Variants in CBFB observed in about 807,000 individuals in gnomAD.
CBFB encodes core-binding factor subunit beta.
Under a neutral mutation model 30.4 loss-of-function variants are expected in CBFB, and 9 were observed. That is an observed-to-expected ratio of 0.30 (90% CI 0.18 to 0.52). CBFB has a LOEUF of 0.52. Among genes scored for constraint, CBFB ranks in the 20% least tolerant of loss-of-function variants. The pLI is 0.97. For missense variants in CBFB, 170 were observed against 244.0 expected, an observed-to-expected ratio of 0.70 and a Z score of 2.02; for synonymous variants, 94 against 84.0, an observed-to-expected ratio of 1.12 and a Z score of -0.65.
At chr16:67,058,580 A>G (rs1010810159) in intron 3 of CBFB, among the ~76,000 whole-genome samples, 10 of 152,338 alleles carry the variant, frequency 6.6e-5, no homozygotes, top group African/African-American at 2.4e-4. Context: ...CACTGCCCTT[A>G]TAAGCATTTC....
Position 67,089,569 on chromosome 16 carries a change from T to C in CBFB, c.495+7261T>C, listed in dbSNP as rs571917165. Reference sequence around the variant, plus strand: ...ATAGGCTGTTTTTTATGTGAAACCCTTCCTCCATTTGAAATTGTATACAGA... The same window carrying C: ...ATAGGCTGTTTTTTATGTGAAACCCCTCCTCCATTTGAAATTGTATACAGA... On this transcript the variant is annotated intron_variant, in intron 5 of 5. Coordinates refer to ENST00000412916, the MANE Select transcript of CBFB (RefSeq NM_022845.3). Among the ~76,000 whole-genome samples, 184 of 152,344 alleles carry C rather than the reference T, an allele frequency of 1.2e-3. 5 individuals carry two copies. The South Asian group carries it at 0.036, about 30-fold the overall frequency.
intron 3 of CBFB, among the ~76,000 whole-genome samples, chr16:67,054,130 T>C (rs1200026531): frequency 6.6e-6 from 1 of 152,098 alleles, no homozygotes; most frequent in Non-Finnish European, 1.5e-5. Context: ...GAGGGGCTTT[T>C]TTGTTTTTTT....
intron 3 of CBFB, among the ~76,000 whole-genome samples, chr16:67,043,319 T>C (rs1966563920): frequency 6.6e-6 from 1 of 152,234 alleles, no homozygotes; most frequent in African/African-American, 2.4e-5. Context: ...TCTCTATTAT[T>C]TGAAATACAG....
chr16:67,029,989 G>C, intron 2 of CBFB, 176 bp downstream of exon 2: 1 of 477,752 alleles, frequency 2.1e-6, no homozygotes, highest in Non-Finnish European at 3.6e-6. Context: ...GGTACTCGCG[G>C]GGAGACGCTT....
At chr16:67,086,644 A>C (rs1046169701) in intron 5 of CBFB, among the ~76,000 whole-genome samples, 1 of 152,242 alleles carries the variant, frequency 6.6e-6, no homozygotes, top group African/African-American at 2.4e-5. Flanking sequence ...GATAATACAT[A>C]TTAATGGTCT....
At chr16:67,032,451 T>C (rs1357997203) in intron 2 of CBFB, among the ~76,000 whole-genome samples, 1 of 152,250 alleles carries the variant, frequency 6.6e-6, no homozygotes, top group African/African-American at 2.4e-5. Flanking sequence ...CATGTCTTAT[T>C]TTGTTAAATA....
intron 4 of CBFB, among the ~76,000 whole-genome samples, chr16:67,076,193 G>T (rs1309609637): frequency 7.0e-6 from 1 of 142,686 alleles, no homozygotes; most frequent in Non-Finnish European, 1.5e-5. Flanking sequence ...TCGCGCCACT[G>T]CACTCCAGCC....
chr16:67,084,284 CTT>C (rs1376588409), intron 5 of CBFB, among the ~76,000 whole-genome samples: 1 of 148,858 alleles, frequency 6.7e-6, no homozygotes, highest in Non-Finnish European at 1.5e-5. Flanking sequence ...AGTTTATAAA[CTT>C]TGTATCAACA....
intron 4 of CBFB, among the ~76,000 whole-genome samples, chr16:67,079,415 T>A (rs1961493158): frequency 6.6e-6 from 1 of 151,732 alleles, no homozygotes; most frequent in African/African-American, 2.4e-5. Context: ...CCACTGACAG[T>A]GACAAATAAA....
chr16:67,047,680 A>C lies in CBFB; in HGVS notation c.282+10925A>C, dbSNP rs577539521. ...TCTAAGTAATGAGCCATTTGGGAGA[A>C]CCCTTTAAATTTTTTTTTTAGGATA... On this transcript the variant is annotated intron_variant, in intron 3 of 5. Coordinates refer to ENST00000412916, the MANE Select transcript of CBFB (RefSeq NM_022845.3). Among the ~76,000 whole-genome samples the C allele has an allele frequency of 2.0e-5, 3 of 152,016 alleles. No individual in the cohort carries two copies. The East Asian group carries it at 5.8e-4, about 29-fold the overall frequency.
At chr16:67,085,040 A>G (rs1961681840) in intron 5 of CBFB, among the ~76,000 whole-genome samples, 1 of 151,838 alleles carries the variant, frequency 6.6e-6, no homozygotes, top group Non-Finnish European at 1.5e-5. Flanking sequence ...TATTGTTAAT[A>G]TTATTTAAAG....
At chr16:67,058,403 A>AGTGCCGG (rs1443025429) in intron 3 of CBFB, among the ~76,000 whole-genome samples, 1 of 152,184 alleles carries the variant, frequency 6.6e-6, no homozygotes. Flanking sequence ...AGCCTTCCAA[A>AGTGCCGG]GTGCCGGGAT....
intron 3 of CBFB, among the ~76,000 whole-genome samples, chr16:67,040,914 T>C (rs1045101998): frequency 1.3e-5 from 2 of 152,042 alleles, no homozygotes; most frequent in Non-Finnish European, 2.9e-5. Context: ...GAAACAGCCA[T>C]TATAAAGGGC....
At chr16:67,033,819 G>GTTT (rs573801388) in intron 2 of CBFB, among the ~76,000 whole-genome samples, 50 of 91,694 alleles carry the variant, frequency 5.5e-4, no homozygotes, top group East Asian at 9.2e-4. Flanking sequence ...TTTCACCGTT[G>GTTT]TTTTTTTTTT....
At position 67,079,955 on chromosome 16, in the gene CBFB, G is replaced by A. The variant is rs533416194; in HGVS notation, c.400-2258G>A. On this transcript the variant is annotated intron_variant, in intron 4 of 5. Transcript: ENST00000412916. ...TGAGGTCAGGAGTTCGAGACCAGCC[G>A]GGCATGATGATGCTCACCTGTAGTC... 3.9e-5 allele frequency among the ~76,000 whole-genome samples: 6 copies of A among 152,166 alleles called. No homozygotes were observed. In the East Asian group the frequency reaches 5.8e-4, roughly 15 times the overall value.
At chr16:67,054,792 G>A (rs1273867457) in intron 3 of CBFB, among the ~76,000 whole-genome samples, 6 of 152,038 alleles carry the variant, frequency 3.9e-5, no homozygotes, top group African/African-American at 1.2e-4. Context: ...TCGCTCTGTC[G>A]CCCAGGCTGG....
intron 4 of CBFB, among the ~76,000 whole-genome samples, chr16:67,078,600 G>C (rs1597153029): frequency 6.6e-6 from 1 of 152,068 alleles, no homozygotes; most frequent in South Asian, 2.1e-4. Flanking sequence ...GAAAGTGAAG[G>C]CTACCAAATA....
At chr16:67,042,471 C>A (rs1966548163) in intron 3 of CBFB, among the ~76,000 whole-genome samples, 1 of 152,180 alleles carries the variant, frequency 6.6e-6, no homozygotes, top group African/African-American at 2.4e-5. Context: ...AATGTATGCA[C>A]CCATGTAGAT....
rs1210246328 is a variant in CBFB at position 67,099,673 on chromosome 16, A to G, written c.*895A>G. ...GATCTTCTACTGAAATGCCTAAAGA[A>G]GTCACAGGCTGGCTTCTGTTTTATT... On this transcript the variant is annotated 3_prime_UTR_variant, in exon 6 of 6. Coordinates refer to ENST00000412916, the MANE Select transcript of CBFB (RefSeq NM_022845.3). 4.9e-6 allele frequency: 1 copy of G among 205,798 alleles called. No individual in the cohort carries two copies. Among genetic ancestry groups the G allele is most frequent in the Non-Finnish European group, 1.0e-5 (1 of 100,502 alleles). 12.7% of individuals were successfully genotyped at this position (205,798 alleles called of 1,614,324 possible).
Sources: gnomAD v4.1 joint callset for allele counts (sites outside exome capture counted in the v4.1 genomes callset) on GRCh38, gnomAD v4.1.1 for gene constraint, MANE v1.5 for transcripts, NCBI Gene and HGNC (gene_info 2026-07-23, HGNC 2026-07-21) for gene names.